APOO: variants seen among roughly 807,000 people sequenced by gnomAD.
APOO encodes the protein apolipoprotein O, also known as MICOS complex subunit MIC26.
Under a neutral mutation model 23.1 loss-of-function variants are expected in APOO, and 11 were observed. That is an observed-to-expected ratio of 0.48 (90% CI 0.30 to 0.79). The LOEUF is 0.79. APOO is among the 30% of genes least tolerant of loss of function. The probability of loss-of-function intolerance (pLI) is 0.07; values close to 1 mark genes in which losing one functional copy is unlikely to be tolerated. For missense variants in APOO, 160 were observed against 142.7 expected, an observed-to-expected ratio of 1.12 and a Z score of -0.62; for synonymous variants, 59 against 54.8, an observed-to-expected ratio of 1.08 and a Z score of -0.34.
intron 7 of APOO, among the ~76,000 whole-genome samples, chrX:23,851,912 C>T (rs1924555382): frequency 9.0e-6 from 1 of 111,553 alleles, no homozygotes; most frequent in Admixed American, 9.6e-5. Flanking sequence ...ATTTTCAGTG[C>T]CCTGTTTTAT....
intron 1 of APOO, among the ~76,000 whole-genome samples, chrX:23,890,412 G>A (rs902732992): frequency 8.9e-6 from 1 of 112,159 alleles, no homozygotes; most frequent in Non-Finnish European, 1.9e-5. Context: ...AAGCTGGGTA[G>A]TGACTAGAAG....
At chrX:23,907,021 G>T (rs1601951626) in intron 1 of APOO, among the ~76,000 whole-genome samples, 2 of 112,418 alleles carry the variant, frequency 1.8e-5, no homozygotes, top group African/African-American at 6.5e-5. Flanking sequence ...GATTTTTTAT[G>T]ACAAAATACA....
chrX:23,863,734 G>A (rs370129913), intron 5 of APOO, among the ~76,000 whole-genome samples: 6 of 110,964 alleles, frequency 5.4e-5, no homozygotes, highest in Non-Finnish European at 1.1e-4. Flanking sequence ...TTAAACCCAA[G>A]AAAGTGTGAA....
chrX:23,875,906 C>T (rs1925826646), intron 3 of APOO, among the ~76,000 whole-genome samples: 1 of 110,081 alleles, frequency 9.1e-6, no homozygotes, highest in Non-Finnish European at 1.9e-5. Context: ...AGGAGTATCT[C>T]GTGAGGTCAG....
At chrX:23,841,465 G>A (rs1270787870) in intron 7 of APOO, among the ~76,000 whole-genome samples, 1 of 100,194 alleles carries the variant, frequency 1.0e-5, no homozygotes, top group African/African-American at 3.7e-5. Flanking sequence ...GACCAGCTTG[G>A]GCAACATAGA....
rs1188873942 is a variant in APOO at position 23,867,354 on chromosome X, C to CT, written c.388+1238dup. ...CTGTGGGAATGAGTGATTTCTCACT[C>CT]TATTAGTTAACATGAGGGCTGGTTG... On this transcript the variant is annotated intron_variant, in intron 5 of 8. Transcript: ENST00000379226. 2.7e-5 allele frequency among the ~76,000 whole-genome samples: 3 copies of CT among 110,347 alleles called. No individual in the cohort carries two copies. The South Asian group carries it at 1.1e-3, about 42-fold the overall frequency.
At chrX:23,873,800 G>A (rs1197506061) in intron 4 of APOO, among the ~76,000 whole-genome samples, 1 of 111,204 alleles carries the variant, frequency 9.0e-6, no homozygotes, top group African/African-American at 3.3e-5. Context: ...TTTGCGAGAT[G>A]CCTAATAAGG....
intron 8 of APOO, chrX:23,837,067 G>C: frequency 1.4e-6 from 1 of 731,431 alleles, no homozygotes; most frequent in Non-Finnish European, 2.1e-6. Context: ...GAAGCCCAGT[G>C]TAACACCCTT....
At chrX:23,863,194 C>T (rs968707714) in intron 5 of APOO, among the ~76,000 whole-genome samples, 1 of 111,240 alleles carries the variant, frequency 9.0e-6, no homozygotes, top group Non-Finnish European at 1.9e-5. Flanking sequence ...ATTAGCCAGG[C>T]GTGGTGGTGC....
chrX:23,836,734 C>T (rs1923699351), intron 8 of APOO: 1 of 508,010 alleles, frequency 2.0e-6, no homozygotes, highest in African/African-American at 2.6e-5. Flanking sequence ...CCAGGTAACT[C>T]TTAGATCTTA....
At position 23,878,854 on chromosome X, in the gene APOO, A is replaced by T. The variant is rs756645471; in HGVS notation, c.237+61T>A. ...TTTTCCAAAAACATGCAGCCAATACAGACTTTCCTCTATGGACTCTAAACA... is the reference window on the plus strand; with the variant it reads ...TTTTCCAAAAACATGCAGCCAATACTGACTTTCCTCTATGGACTCTAAACA... On this transcript the variant is annotated intron_variant, in intron 3 of 8. Transcript: ENST00000379226. The T allele has an allele frequency of 3.4e-6, 4 of 1,167,203 alleles. No homozygotes were observed. The African/African-American group carries it at 5.3e-5, about 15-fold the overall frequency.
At chrX:23,863,840 A>G (rs1052390074) in intron 5 of APOO, among the ~76,000 whole-genome samples, 1 of 110,805 alleles carries the variant, frequency 9.0e-6, no homozygotes. Flanking sequence ...CAGAAGAGAC[A>G]GCAGGACACA....
intron 5 of APOO, among the ~76,000 whole-genome samples, chrX:23,861,124 T>C (rs1425617427): frequency 1.8e-5 from 2 of 110,613 alleles, no homozygotes; most frequent in Non-Finnish European, 3.8e-5. Context: ...TGGGTGATAA[T>C]TTGGATGTTG....
At chrX:23,862,566 G>A (rs1008481963) in intron 5 of APOO, among the ~76,000 whole-genome samples, 3 of 105,766 alleles carry the variant, frequency 2.8e-5, no homozygotes, top group African/African-American at 1.0e-4. Context: ...GCTTGAGCTC[G>A]GGAGTTTGAG....
chrX:23,905,054 T>C (rs1422095800), intron 1 of APOO, among the ~76,000 whole-genome samples: 1 of 110,377 alleles, frequency 9.1e-6, no homozygotes, highest in Non-Finnish European at 1.9e-5. Flanking sequence ...CTCCAAGGTT[T>C]GTTGTGATCT....
At chrX:23,852,402 C>G (rs756762570) in intron 7 of APOO, among the ~76,000 whole-genome samples, 1 of 110,252 alleles carries the variant, frequency 9.1e-6, no homozygotes, top group East Asian at 2.9e-4. Context: ...ATCAAGACCA[C>G]CCTGCACAAC....
chrX:23,907,903 C>T lies in APOO; in HGVS notation c.-201G>A. 1 of 416,713 alleles carries T rather than the reference C, an allele frequency of 2.4e-6. No individual in the cohort carries two copies. Among genetic ancestry groups the T allele is most frequent in the African/African-American group, 2.6e-5 (1 of 39,127 alleles). The allele number at this position is 416,713 out of a possible 1,213,427, so 34.3% of individuals were successfully genotyped here. ...TTCTAGAAGCCGCGTCGCTGAGCCGCAGCGCGTCGCGCCCGGGCAGCGGGT... is the reference window on the plus strand; with the variant it reads ...TTCTAGAAGCCGCGTCGCTGAGCCGTAGCGCGTCGCGCCCGGGCAGCGGGT... On this transcript the variant is annotated 5_prime_UTR_variant, in exon 1 of 9. Coordinates refer to ENST00000379226, the MANE Select transcript of APOO (RefSeq NM_024122.5).
chrX:23,891,230 CT>C (rs1281953927), intron 1 of APOO, among the ~76,000 whole-genome samples: 10 of 107,747 alleles, frequency 9.3e-5, no homozygotes, highest in African/African-American at 1.3e-4. Context: ...CTAATTCTTT[CT>C]TTTTTTTTTC....
intron 1 of APOO, among the ~76,000 whole-genome samples, chrX:23,904,048 A>G (rs936586929): frequency 1.8e-5 from 2 of 111,786 alleles, no homozygotes; most frequent in Non-Finnish European, 3.8e-5. Flanking sequence ...AACCTAAAGT[A>G]TAAGGATCAT....
Sources: allele counts gnomAD v4.1 joint callset (sites outside exome capture counted in the v4.1 genomes callset), GRCh38; gene constraint gnomAD v4.1.1; transcripts MANE v1.5; gene names NCBI Gene and HGNC (gene_info 2026-07-23, HGNC 2026-07-21).